TRIM67: variants seen among roughly 807,000 people sequenced by gnomAD.
TRIM67 encodes the protein tripartite motif containing 67, also known as tripartite motif-containing protein 67.
In TRIM67, 39 loss-of-function variants were observed where a neutral mutation model predicts 71.0. That is an observed-to-expected ratio of 0.55 (90% CI 0.43 to 0.72). The LOEUF is 0.72. TRIM67 is among the 30% of genes least tolerant of loss of function. The pLI, the probability that TRIM67 is intolerant of heterozygous loss-of-function variation, is 0.00. For synonymous variants in TRIM67, 481 were observed against 473.9 expected (o/e 1.01, Z -0.19); for missense variants, 973 against 1,079.2 (o/e 0.90, Z 1.38).
intron 1 of TRIM67, among the ~76,000 whole-genome samples, chr1:231,182,694 G>A (rs775099673): frequency 5.9e-5 from 9 of 152,294 alleles, no homozygotes; most frequent in Non-Finnish European, 1.2e-4. Flanking sequence ...GGTGGGTACC[G>A]GCTCTGCCAC....
chr1:231,199,431 C>T (rs1203759151), intron 3 of TRIM67, among the ~76,000 whole-genome samples: 3 of 152,178 alleles, frequency 2.0e-5, no homozygotes, highest in African/African-American at 7.2e-5. Context: ...GTCTAAGGGA[C>T]TATTCTTGTT....
intron 4 of TRIM67, among the ~76,000 whole-genome samples, chr1:231,200,973 T>C (rs148851193): frequency 1.9e-3 from 285 of 152,236 alleles, no homozygotes; most frequent in Non-Finnish European, 3.1e-3. Flanking sequence ...TGGAATATGC[T>C]TTCTTTAGAC....
In TRIM67 at chr1:231,197,478, T is replaced by C. The variant is rs769914905; in HGVS notation, c.1140+12T>C. The C allele has an allele frequency of 3.1e-6, 5 of 1,611,982 alleles. No individual in the cohort carries two copies. The South Asian group carries it at 3.3e-5, about 11-fold the overall frequency. On this transcript the variant is annotated intron_variant, in intron 2 of 9. Transcript: ENST00000366653. ...TGCAGCAGATCCAGGTGAGCACAGC[T>C]CTGGCGTCGGGAGAAATACTCAGTG...
At chr1:231,194,406 T>A (rs1683312473) in intron 1 of TRIM67, among the ~76,000 whole-genome samples, 1 of 152,178 alleles carries the variant, frequency 6.6e-6, no homozygotes, top group Non-Finnish European at 1.5e-5. Flanking sequence ...ATTAAGGCTG[T>A]CAGGGCAGAA....
chr1:231,194,117 A>G (rs1683307181), intron 1 of TRIM67, among the ~76,000 whole-genome samples: 1 of 152,226 alleles, frequency 6.6e-6, no homozygotes, highest in African/African-American at 2.4e-5. Context: ...TTTGTGGCTG[A>G]AGCCCCAGGT....
At chr1:231,191,598 C>G (rs1355518720) in intron 1 of TRIM67, among the ~76,000 whole-genome samples, 1 of 151,978 alleles carries the variant, frequency 6.6e-6, no homozygotes, top group Non-Finnish European at 1.5e-5. Flanking sequence ...GCATCAGAAG[C>G]CTCATCCAGT....
At chr1:231,176,413 T>TG (rs1402862958) in intron 1 of TRIM67, among the ~76,000 whole-genome samples, 2 of 151,312 alleles carry the variant, frequency 1.3e-5, no homozygotes, top group African/African-American at 4.9e-5. Context: ...GAGTGGTAAG[T>TG]GGGGAAACTG....
In TRIM67 at chr1:231,218,565, A is replaced by C. The variant is rs1684070649; in HGVS notation, c.*3125A>C. Reference sequence around the variant, plus strand: ...CCAGCTCCTAATTCAAAGCAGGGGAAGGTATTTCCCCAAAGCCTGCTTTTC... The same window carrying C: ...CCAGCTCCTAATTCAAAGCAGGGGACGGTATTTCCCCAAAGCCTGCTTTTC... On this transcript the variant is annotated 3_prime_UTR_variant, in exon 10 of 10. Transcript: ENST00000366653. 1 of 985,344 alleles carries C rather than the reference A, an allele frequency of 1.0e-6. No homozygotes were observed. Among genetic ancestry groups the C allele is most frequent in the African/African-American group, 1.7e-5 (1 of 57,242 alleles). The allele number at this position is 985,344 out of a possible 1,614,324, so 61.0% of individuals were successfully genotyped here.
Position 231,197,409 on chromosome 1 carries a change from G to C in TRIM67, c.1083G>C (p.Lys361Asn). The change falls in exon 2 of 10, where the codon AAG becomes AAC. Residue 361 changes from lysine to asparagine, a missense_variant. Physicochemically the swap from Lys to Asn is moderately conservative, Grantham distance 94 (BLOSUM62 0). Transcript: ENST00000366653. ...LSQALNGVSD[K>N]AKEAKEFLVQ... ...AGGCCTTAAATGGAGTTTCAGATAA[G>C]GCAAAGGAAGCAAAGGAGTTTCTGG... 3 of 1,613,962 alleles carry C rather than the reference G, an allele frequency of 1.9e-6. No homozygotes were observed. The highest frequency in any genetic ancestry group is 2.5e-6 in the Non-Finnish European group (3 of 1,179,880).
intron 1 of TRIM67, among the ~76,000 whole-genome samples, chr1:231,196,407 A>G (rs1338828997): frequency 6.6e-6 from 1 of 152,102 alleles, no homozygotes; most frequent in Non-Finnish European, 1.5e-5. Flanking sequence ...CAGGAGTTTG[A>G]GATCAGCCTG....
intron 4 of TRIM67, among the ~76,000 whole-genome samples, 186 bp from the exon 5 acceptor site, chr1:231,201,172 T>C (rs1274395277): frequency 1.3e-5 from 2 of 152,202 alleles, no homozygotes; most frequent in African/African-American, 2.4e-5. Flanking sequence ...AAACAATATT[T>C]CAATGCATTT....
intron 3 of TRIM67, among the ~76,000 whole-genome samples, chr1:231,199,809 T>A (rs1030707502): frequency 1.3e-5 from 2 of 152,210 alleles, no homozygotes; most frequent in African/African-American, 4.8e-5. Context: ...CATTGCATTA[T>A]CCAGGGCCAC....
rs1159766852 is a variant in TRIM67 at position 231,167,319 on chromosome 1, C to CTTT, written c.1044+3325_1044+3327dup. On this transcript the variant is annotated intron_variant, in intron 1 of 9. Coordinates refer to ENST00000366653, the MANE Select transcript of TRIM67 (RefSeq NM_001004342.5). ...ACAGGACTTTTGATCACTCTAATGT[C>CTTT]TTTTTTTTTTTTTTTTTTTTTGAGA... Among the ~76,000 whole-genome samples, 82 of 51,838 alleles carry CTTT rather than the reference C, an allele frequency of 1.6e-3. 21 individuals carry two copies. Among genetic ancestry groups the CTTT allele is most frequent in the African/African-American group, 2.5e-3 (27 of 10,696 alleles). 34.0% of individuals were successfully genotyped at this position (51,838 alleles called of 152,430 possible). A position where few individuals can be genotyped will look rare whatever the true frequency, so the allele number is the denominator to read the frequency against.
intron 5 of TRIM67, among the ~76,000 whole-genome samples, chr1:231,202,045 AGGTAGTCAT>A (rs1683540416): frequency 1.3e-5 from 2 of 151,656 alleles, no homozygotes; most frequent in Non-Finnish European, 2.9e-5. Flanking sequence ...GAGGTGGAGG[AGGTAGTCAT>A]GGAGGAGGAG....
chr1:231,173,080 C>T (rs902898666), intron 1 of TRIM67, among the ~76,000 whole-genome samples: 1 of 152,170 alleles, frequency 6.6e-6, no homozygotes, highest in African/African-American at 2.4e-5. Flanking sequence ...ATCTTGAATG[C>T]CTATATATCA....
At chr1:231,169,859 T>C (rs1245499979) in intron 1 of TRIM67, among the ~76,000 whole-genome samples, 21 of 151,842 alleles carry the variant, frequency 1.4e-4, no homozygotes, top group Non-Finnish European at 3.1e-4. Context: ...CTTCACACCA[T>C]CTCTGTGCCA....
Position 231,216,890 on chromosome 1 carries a change from A to G in TRIM67, c.*1450A>G. 5 of 985,490 alleles carry G rather than the reference A, an allele frequency of 5.1e-6. No homozygotes were observed. The highest frequency in any genetic ancestry group is 6.0e-6 in the Non-Finnish European group (5 of 829,964). 61.0% of individuals were successfully genotyped at this position (985,490 alleles called of 1,614,324 possible). ...ATCTTCCCAGTCACCTGCCACCTCCAGCTCCACCTGGTAGTAACATTTCTC... is the reference window on the plus strand; with the variant it reads ...ATCTTCCCAGTCACCTGCCACCTCCGGCTCCACCTGGTAGTAACATTTCTC... On this transcript the variant is annotated 3_prime_UTR_variant, in exon 10 of 10. Transcript: ENST00000366653.
At chr1:231,190,126 A>C (rs1175953820) in intron 1 of TRIM67, among the ~76,000 whole-genome samples, 1 of 152,200 alleles carries the variant, frequency 6.6e-6, no homozygotes. Flanking sequence ...CCCATGACAG[A>C]GTGAGCCTGG....
At chr1:231,186,457 T>G (rs961772229) in intron 1 of TRIM67, among the ~76,000 whole-genome samples, 1 of 152,188 alleles carries the variant, frequency 6.6e-6, no homozygotes, top group Non-Finnish European at 1.5e-5. Flanking sequence ...GCCAGAAGAC[T>G]GAAATCAGGG....
Sources: allele counts gnomAD v4.1 joint callset (sites outside exome capture counted in the v4.1 genomes callset), GRCh38; gene constraint gnomAD v4.1.1; transcripts MANE v1.5; gene names NCBI Gene and HGNC (gene_info 2026-07-23, HGNC 2026-07-21).